Variants in CLN3 observed in about 807,000 individuals in gnomAD.
CLN3 encodes battenin.
Under a neutral mutation model 60.7 loss-of-function variants are expected in CLN3, and 49 were observed. That is an observed-to-expected ratio of 0.81 (90% CI 0.64 to 1.02). CLN3 has a LOEUF of 1.02. Ranked by LOEUF, CLN3 falls within the 50% of genes least tolerant of loss-of-function variation. The pLI is 0.00. For synonymous variants in CLN3, 256 were observed against 245.8 expected (o/e 1.04, Z -0.39); for missense variants, 516 against 557.4 (o/e 0.93, Z 0.75).
chr16:28,484,434 G>A (rs994243966), intron 9 of CLN3: 7 of 313,568 alleles, frequency 2.2e-5, no homozygotes, highest in South Asian at 9.4e-5. Context: ...CTGCAGCCGC[G>A]ACCTCCCAGG....
chr16:28,481,084 C>T (rs765642881), intron 14 of CLN3, among the ~76,000 whole-genome samples: 2 of 152,086 alleles, frequency 1.3e-5, no homozygotes, highest in Non-Finnish European at 2.9e-5. Context: ...CCAGCCTAGG[C>T]GACAGAGGAA....
intron 5 of CLN3, 97 bp from the exon 6 acceptor site, chr16:28,487,838 G>T: frequency 1.1e-6 from 1 of 933,174 alleles, no homozygotes; most frequent in Non-Finnish European, 1.7e-6. Context: ...AAACAGGCCT[G>T]CTACAAACAC....
intron 14 of CLN3, among the ~76,000 whole-genome samples, chr16:28,481,485 TTG>T (rs2046096257): frequency 1.3e-5 from 2 of 148,476 alleles, no homozygotes; most frequent in Admixed American, 1.4e-4. Context: ...CTACAAAATC[TTG>T]TTCTTCGATT....
At chr16:28,468,696 A>G in the CLN3 span, among the ~76,000 whole-genome samples, 1 of 141,020 alleles carries the variant, frequency 7.1e-6, no homozygotes, top group African/African-American at 2.5e-5. Flanking sequence ...AGTTCCAGCT[A>G]CTTGGGAGGC....
chr16:28,483,873 C>T, intron 10 of CLN3, 133 bp downstream of exon 10: 1 of 698,434 alleles, frequency 1.4e-6, no homozygotes, highest in Non-Finnish European at 2.5e-6. Context: ...AAGTATTTCT[C>T]AAATAGACAA....
At chr16:28,486,323 C>T (rs372043393) in intron 9 of CLN3, 24 bp downstream of exon 9, 1 of 1,611,370 alleles carries the variant, frequency 6.2e-7, no homozygotes, top group Admixed American at 1.7e-5. Context: ...GGACCCCTCT[C>T]CCTCCCGGCT....
chr16:28,479,060 C>T (rs2046045126), intron 14 of CLN3, among the ~76,000 whole-genome samples: 1 of 152,274 alleles, frequency 6.6e-6, no homozygotes, highest in East Asian at 1.9e-4. Context: ...ATCCCCACCC[C>T]AGGGTGTAGG....
chr16:28,474,432 C>G (rs2045975261), downstream of CLN3, among the ~76,000 whole-genome samples: 1 of 151,926 alleles, frequency 6.6e-6, no homozygotes, highest in African/African-American at 2.4e-5. Context: ...TGCACTCCAT[C>G]CTGCGCAACA....
rs775618174 is a variant in CLN3, at chr16:28,486,422, C to A, written c.602G>T (p.Gly201Val). 6.2e-7 allele frequency: 1 copy of A among 1,613,432 alleles called. No individual in the cohort carries two copies. Among genetic ancestry groups the A allele is most frequent in the Non-Finnish European group, 8.5e-7 (1 of 1,179,918 alleles). Reference protein sequence around the residue: ...AGLLGALSYLGLTQAGLSPQQ... With the variant: ...AGLLGALSYLVLTQAGLSPQQ... The stretch of plus-strand genomic sequence containing the variant: ...AGGGGAGAGGCCGGCCTGGGTGAGG[C>A]CCAGGTAGGACAGGGCCCCCAGCAG... The change falls in exon 9 of 16, where the codon GGC (glycine) becomes GTC (valine). Residue 201 changes from glycine (G) to valine (V), a missense_variant. Gly to Val is a moderately radical substitution (Grantham distance 109). Coordinates refer to ENST00000636147, the MANE Select transcript of CLN3 (RefSeq NM_001042432.2).
intron 10 of CLN3, 26 bp downstream of exon 10, chr16:28,483,980 C>T (rs1292518884): frequency 1.3e-6 from 2 of 1,533,180 alleles, no homozygotes; most frequent in African/African-American, 1.4e-5. Context: ...AAGAAAGTGA[C>T]CTCTCTGAGG....
At chr16:28,482,408 A>G in intron 12 of CLN3, 26 bp from the exon 13 acceptor site, 1 of 1,613,994 alleles carries the variant, frequency 6.2e-7, no homozygotes, top group Non-Finnish European at 8.5e-7. Flanking sequence ...GACAGGGGAG[A>G]TGGACGGGGC....
rs1399199073 is a variant in CLN3 at position 28,491,518 on chromosome 16, T to C, written c.89A>G (p.His30Arg). ...VPEPRLPLLDHQGAHWKNAVG... is the reference protein window; with the variant it reads ...VPEPRLPLLDRQGAHWKNAVG... The stretch of plus-strand genomic sequence containing the variant: ...CGCGTTCTTCCAATGCGCGCCCTGA[T>C]GGTCCAACAGAGGGAGCCGGGGCTC... The change falls in exon 3 of 16, where the codon CAT (histidine) becomes CGT (arginine). Residue 30 changes from histidine (H) to arginine (R), a missense_variant. His to Arg is a conservative substitution (Grantham distance 29). Coordinates refer to ENST00000636147, the MANE Select transcript of CLN3 (RefSeq NM_001042432.2). 4.3e-6 allele frequency: 7 copies of C among 1,613,918 alleles called. No individual in the cohort carries two copies. The highest frequency in any genetic ancestry group is 5.9e-6 in the Non-Finnish European group (7 of 1,180,042).
downstream of CLN3, chr16:28,475,893 T>G (rs979625298): frequency 2.9e-5 from 4 of 139,810 alleles, no homozygotes; most frequent in Non-Finnish European, 4.6e-5. Context: ...AGTTTTTTTG[T>G]TTTTTTTTTT....
intron 9 of CLN3, among the ~76,000 whole-genome samples, chr16:28,485,255 A>G (rs1347411765): frequency 6.7e-6 from 1 of 149,022 alleles, no homozygotes; most frequent in Non-Finnish European, 1.5e-5. Flanking sequence ...AGTGTTTTGT[A>G]ATATGCATGA....
At chr16:28,486,908 T>TTTTCA in intron 7 of CLN3, 1 of 500,688 alleles carries the variant, frequency 2.0e-6, no homozygotes, top group Non-Finnish European at 3.6e-6. Flanking sequence ...TCATCAGTCT[T>TTTTCA]TTTCTTTTCT....
downstream of CLN3, among the ~76,000 whole-genome samples, chr16:28,472,787 T>C (rs774679479): frequency 2.1e-3 from 257 of 120,610 alleles, 3 homozygotes; most frequent in Admixed American, 9.5e-3. Context: ...GCAAAAAGAA[T>C]GAAACTCTGT....
At chr16:28,468,339 G>T in the CLN3 span, among the ~76,000 whole-genome samples, 1 of 121,866 alleles carries the variant, frequency 8.2e-6, no homozygotes, top group Non-Finnish European at 1.7e-5. Flanking sequence ...TTAAATTGAT[G>T]TATAACATTG....
chr16:28,478,592 G>T (rs145106628), intron 14 of CLN3, among the ~76,000 whole-genome samples: 3 of 141,756 alleles, frequency 2.1e-5, no homozygotes, highest in African/African-American at 8.4e-5. Flanking sequence ...CTCCAGCCTG[G>T]GTGACAGAGC....
chr16:28,481,940 T>C (rs533458881), intron 14 of CLN3, among the ~76,000 whole-genome samples, 165 bp downstream of exon 14: 11 of 151,264 alleles, frequency 7.3e-5, no homozygotes, highest in African/African-American at 2.2e-4. Context: ...TAAGCCAAGA[T>C]TGCGCTACTG....
Sources: allele counts gnomAD v4.1 joint callset (sites outside exome capture counted in the v4.1 genomes callset), GRCh38; gene constraint gnomAD v4.1.1; transcripts MANE v1.5; gene names NCBI Gene and HGNC (gene_info 2026-07-23, HGNC 2026-07-21).